The following DLGAP2 variants were observed in gnomAD, a reference collection of about 807,000 sequenced individuals.
The protein encoded by DLGAP2 is disks large-associated protein 2.
In DLGAP2, 26 loss-of-function variants were observed where a neutral mutation model predicts 100.3. The observed-to-expected ratio is 0.26, with a 90% CI of 0.19 to 0.36. The LOEUF is 0.36. DLGAP2 is among the 10% of genes least tolerant of loss of function. DLGAP2 has a pLI of 1.00. For synonymous variants in DLGAP2, 886 were observed against 630.1 expected (o/e 1.41, Z -6.08); for missense variants, 1,858 against 1,453.2 (o/e 1.28, Z -4.53).
intron 2 of DLGAP2, among the ~76,000 whole-genome samples, chr8:1,069,410 G>A (rs888278141): frequency 3.3e-5 from 5 of 152,138 alleles, no homozygotes; most frequent in African/African-American, 9.7e-5. Context: ...TGGGTCCTCC[G>A]CACACTCCTG....
intron 2 of DLGAP2, among the ~76,000 whole-genome samples, chr8:1,082,561 C>T (rs1341312362): frequency 2.0e-5 from 3 of 152,146 alleles, no homozygotes; most frequent in Non-Finnish European, 4.4e-5. Flanking sequence ...TCAAAGAACC[C>T]ACATTTGGTG....
At chr8:1,317,636 C>G (rs559622623) in intron 3 of DLGAP2, among the ~76,000 whole-genome samples, 1 of 143,622 alleles carries the variant, frequency 7.0e-6, no homozygotes, top group Admixed American at 6.8e-5. Flanking sequence ...GGTCTACACT[C>G]GAGACACTCG....
intron 2 of DLGAP2, among the ~76,000 whole-genome samples, chr8:1,240,639 G>C (rs1425383828): frequency 7.1e-6 from 1 of 140,016 alleles, no homozygotes; most frequent in African/African-American, 2.7e-5. Flanking sequence ...GTCACGTCTA[G>C]TTCTCTCTCA....
intron 6 of DLGAP2, among the ~76,000 whole-genome samples, chr8:1,625,187 C>A (rs770937275): frequency 1.3e-5 from 2 of 152,180 alleles, no homozygotes; most frequent in South Asian, 2.1e-4. Context: ...TTTTTATGTA[C>A]CTGCTTGTGC....
chr8:1,287,498 T>TGTG (rs1799959187), intron 3 of DLGAP2, among the ~76,000 whole-genome samples: 9 of 49,804 alleles, frequency 1.8e-4, no homozygotes, highest in African/African-American at 5.8e-4. Flanking sequence ...GTGTGTGTGG[T>TGTG]TCTGTTAGGA....
chr8:1,098,027 C>G (rs1804445203), intron 2 of DLGAP2, among the ~76,000 whole-genome samples: 1 of 152,284 alleles, frequency 6.6e-6, no homozygotes, highest in East Asian at 1.9e-4. Context: ...TCTGCCTCTT[C>G]TCTTACTACG....
chr8:1,329,741 G>A (rs937504710), intron 3 of DLGAP2, among the ~76,000 whole-genome samples: 2 of 152,178 alleles, frequency 1.3e-5, no homozygotes, highest in African/African-American at 4.8e-5. Context: ...CCTGGGGCTT[G>A]GGGTGCATTA....
At chr8:1,413,984 T>C (rs186128941) in intron 3 of DLGAP2, among the ~76,000 whole-genome samples, 4 of 152,310 alleles carry the variant, frequency 2.6e-5, no homozygotes, top group Non-Finnish European at 5.9e-5. Flanking sequence ...GGTGCTGTGA[T>C]TGAAAGCAAA....
intron 1 of DLGAP2, among the ~76,000 whole-genome samples, chr8:813,755 A>G (rs940945799): frequency 6.6e-6 from 1 of 152,056 alleles, no homozygotes; most frequent in South Asian, 2.1e-4. Flanking sequence ...GAACCAAAGA[A>G]TCTGGGGTTC....
chr8:1,067,520 C>G (rs904937112), intron 2 of DLGAP2, among the ~76,000 whole-genome samples: 2 of 152,098 alleles, frequency 1.3e-5, no homozygotes, highest in African/African-American at 4.8e-5. Flanking sequence ...CCACACGGGG[C>G]TATGCCCGGC....
intron 2 of DLGAP2, among the ~76,000 whole-genome samples, chr8:1,172,912 G>C (rs907444992): frequency 3.3e-5 from 5 of 152,146 alleles, no homozygotes; most frequent in Non-Finnish European, 7.3e-5. Context: ...AGCTTTGTTC[G>C]ATTGCTGGTG....
intron 2 of DLGAP2, among the ~76,000 whole-genome samples, chr8:1,141,933 G>T (rs1393186467): frequency 1.3e-5 from 2 of 152,034 alleles, no homozygotes; most frequent in Admixed American, 1.3e-4. Flanking sequence ...TTTTAAGCAT[G>T]CTATAAAGAT....
At chr8:1,683,831 C>G (rs1799023270) in intron 12 of DLGAP2, among the ~76,000 whole-genome samples, 1 of 71,182 alleles carries the variant, frequency 1.4e-5, no homozygotes, top group African/African-American at 6.6e-5. Context: ...TGTCTTTGCT[C>G]CACTATATAT....
chr8:831,792 T>C (rs1371469339), intron 1 of DLGAP2, among the ~76,000 whole-genome samples: 1 of 152,224 alleles, frequency 6.6e-6, no homozygotes, highest in Non-Finnish European at 1.5e-5. Flanking sequence ...ATGGCCACAC[T>C]GTCTTTCACA....
chr8:802,012 G>T (rs1400453597), intron 1 of DLGAP2, among the ~76,000 whole-genome samples: 29 of 148,464 alleles, frequency 2.0e-4, no homozygotes, highest in African/African-American at 7.1e-4. Context: ...CTGAGGAACA[G>T]TCCGCACCCC....
At chr8:899,711 A>G (rs1798213046) in intron 1 of DLGAP2, among the ~76,000 whole-genome samples, 1 of 152,234 alleles carries the variant, frequency 6.6e-6, no homozygotes, top group Non-Finnish European at 1.5e-5. Context: ...AACCTAAGGC[A>G]GTTTCTTCTA....
intron 6 of DLGAP2, among the ~76,000 whole-genome samples, chr8:1,582,602 C>G (rs1175048946): frequency 6.6e-6 from 1 of 152,010 alleles, no homozygotes; most frequent in African/African-American, 2.4e-5. Context: ...TTTCTTTTCC[C>G]CCGCCAAGAT....
chr8:1,682,946 CT>C (rs2130862492), intron 12 of DLGAP2, among the ~76,000 whole-genome samples: 1 of 150,996 alleles, frequency 6.6e-6, no homozygotes, highest in Admixed American at 6.6e-5. Context: ...TGTTTTTTAC[CT>C]TTTTTGAGCC....
At chr8:1,089,450 C>G (rs1398057941) in intron 2 of DLGAP2, among the ~76,000 whole-genome samples, 2 of 152,182 alleles carry the variant, frequency 1.3e-5, no homozygotes, top group African/African-American at 2.4e-5. Flanking sequence ...CATCAGGGGC[C>G]TGAATGGGCC....
Sources: allele counts gnomAD v4.1 joint callset (sites outside exome capture counted in the v4.1 genomes callset), GRCh38; gene constraint gnomAD v4.1.1; transcripts MANE v1.5; gene names NCBI Gene and HGNC (gene_info 2026-07-23, HGNC 2026-07-21).